Variants in PHTF2 observed in about 807,000 individuals in gnomAD.
PHTF2 encodes putative homeodomain transcription factor 2, also known as protein PHTF2.
In PHTF2, 60 loss-of-function variants were observed where a neutral mutation model predicts 101.2. That is an observed-to-expected ratio of 0.59 (90% CI 0.48 to 0.73). PHTF2 has a LOEUF of 0.73. Ranked by LOEUF, PHTF2 falls within the 30% of genes least tolerant of loss-of-function variation. The pLI is 0.00. For missense variants in PHTF2, 747 were observed against 908.7 expected (o/e 0.82, Z 2.29); for synonymous variants, 311 against 307.3 (o/e 1.01, Z -0.13).
At chr7:77,947,113 C>A (rs1806114226) in intron 16 of PHTF2, among the ~76,000 whole-genome samples, 1 of 144,226 alleles carries the variant, frequency 6.9e-6, no homozygotes, top group Non-Finnish European at 1.5e-5. Context: ...CAGAGTGAGA[C>A]CCTGTCTTTA....
intron 1 of PHTF2, among the ~76,000 whole-genome samples, chr7:77,820,380 G>T (rs1794186649): frequency 6.6e-6 from 1 of 151,952 alleles, no homozygotes; most frequent in Non-Finnish European, 1.5e-5. Flanking sequence ...TTTAGACAGG[G>T]TCTCACTGTC....
At chr7:77,875,568 ATTT>A (rs1562901364) in intron 3 of PHTF2, among the ~76,000 whole-genome samples, 30 of 150,644 alleles carry the variant, frequency 2.0e-4, no homozygotes, top group African/African-American at 3.9e-4. Context: ...TATTATTATT[ATTT>A]TTTTGACATG....
intron 13 of PHTF2, among the ~76,000 whole-genome samples, chr7:77,939,173 A>G (rs1037312944): frequency 1.3e-5 from 2 of 152,158 alleles, no homozygotes; most frequent in Non-Finnish European, 1.5e-5. Flanking sequence ...ATATTGTCCC[A>G]TTATCTAATT....
At chr7:77,898,931 G>T (rs1394300196) in intron 5 of PHTF2, among the ~76,000 whole-genome samples, 1 of 152,050 alleles carries the variant, frequency 6.6e-6, no homozygotes, top group Non-Finnish European at 1.5e-5. Context: ...TCCCCAAGTT[G>T]CTGGGATTAC....
rs191102572 is a variant in PHTF2, at chr7:77,908,591, G to A, written c.446-202G>A. Among the ~76,000 whole-genome samples, 46 of 152,198 alleles carry A rather than the reference G, an allele frequency of 3.0e-4. 1 individual carries two copies. The highest frequency in any genetic ancestry group is 2.2e-3 in the Admixed American group (34 of 15,286). ...ACTATGTTGGGTGTTGTCTTGTTCC[G>A]AGAGTTTATTACTAAATACCATGGT... On this transcript the variant is annotated intron_variant, in intron 7 of 19. Transcript: ENST00000416283.
At chr7:77,865,756 AC>A (rs1397908363) in intron 3 of PHTF2, among the ~76,000 whole-genome samples, 14 of 152,056 alleles carry the variant, frequency 9.2e-5, no homozygotes, top group African/African-American at 2.7e-4. Flanking sequence ...TTTATATTAA[AC>A]TTCTAATTTA....
At position 77,856,538 on chromosome 7, in the gene PHTF2, T is replaced by C. The variant is rs1449618085; in HGVS notation, c.147+1704T>C. Among the ~76,000 whole-genome samples, 3 of 152,194 alleles carry C rather than the reference T, an allele frequency of 2.0e-5. No individual in the cohort carries two copies. The East Asian group carries it at 5.8e-4, about 29-fold the overall frequency. ...ACCCAGATCATTTTTTAATTTTTTG[T>C]AAAGATGGGGTCTTGCTATATTCCC... On this transcript the variant is annotated intron_variant, in intron 3 of 19. Transcript: ENST00000416283.
At chr7:77,879,108 T>TG (rs1799187969) in intron 3 of PHTF2, among the ~76,000 whole-genome samples, 4 of 152,248 alleles carry the variant, frequency 2.6e-5, no homozygotes, top group Admixed American at 1.3e-4. Context: ...CCTATTCCTG[T>TG]ACATTTTATC....
intron 16 of PHTF2, among the ~76,000 whole-genome samples, chr7:77,949,092 A>AT (rs978134492): frequency 6.6e-6 from 1 of 150,640 alleles, no homozygotes; most frequent in East Asian, 1.9e-4. Context: ...ATTGTGGCTG[A>AT]TTTTTTTACT....
intron 8 of PHTF2, chr7:77,909,662 C>G (rs1419734762): frequency 6.5e-6 from 1 of 152,748 alleles, no homozygotes; most frequent in Non-Finnish European, 1.5e-5. Context: ...GCCACCACAC[C>G]TGGCCACTAA....
exon 10 of PHTF2, chr7:77,920,443 C>T: frequency 6.2e-7 from 1 of 1,613,078 alleles, no homozygotes; most frequent in Middle Eastern, 1.6e-4. Context: ...AACACAGGAA[C>T]ACTGAGGAAT....
At chr7:77,940,123 C>G (rs1426549864) in exon 14 of PHTF2, 1 of 1,613,728 alleles carries the variant, frequency 6.2e-7, no homozygotes, top group African/African-American at 1.3e-5. Context: ...CCGACTTTCT[C>G]AAGCTACAGA....
intron 11 of PHTF2, chr7:77,924,243 G>T: frequency 1.9e-6 from 1 of 519,418 alleles, no homozygotes; most frequent in Non-Finnish European, 2.5e-6. Context: ...ATAAATTACT[G>T]TACTCTCTCC....
chr7:77,873,566 CTGCCTCAGGGGAGGCCATCACTGT>C (rs1798698800), intron 3 of PHTF2, among the ~76,000 whole-genome samples: 2 of 152,220 alleles, frequency 1.3e-5, no homozygotes, highest in Middle Eastern at 3.4e-3. Flanking sequence ...TGCCTCACAG[CTGCCTCAGGGGAGGCCATCACTGT>C]TGCCTCAGGC....
intron 9 of PHTF2, among the ~76,000 whole-genome samples, chr7:77,915,299 A>T (rs910748875): frequency 6.7e-6 from 1 of 149,994 alleles, no homozygotes; most frequent in African/African-American, 2.5e-5. Flanking sequence ...GCTCACTGCA[A>T]CCTCCGCCTC....
At chr7:77,799,655 G>T (rs575534450) in intron 1 of PHTF2, among the ~76,000 whole-genome samples, 1 of 152,280 alleles carries the variant, frequency 6.6e-6, no homozygotes, top group Non-Finnish European at 1.5e-5. Context: ...CCAGCATTCT[G>T]GTATTGTCCT....
chr7:77,910,479 G>T, intron 9 of PHTF2, 70 bp downstream of exon 8: 1 of 1,057,842 alleles, frequency 9.5e-7, no homozygotes, highest in Non-Finnish European at 1.4e-6. Context: ...TTCAGTCTCA[G>T]GTAATGAATA....
In PHTF2 at chr7:77,935,514, C is replaced by G. The variant is rs771635445; in HGVS notation, c.1339-2196C>G. Among the ~76,000 whole-genome samples the G allele has an allele frequency of 1.1e-4, 16 of 152,124 alleles. 1 individual carries two copies. The highest frequency in any genetic ancestry group is 1.3e-4 in the Admixed American group (2 of 15,278). On this transcript the variant is annotated intron_variant, in intron 12 of 19. Transcript: ENST00000416283. ...TGCTGGGATTACAGGCGTGAGCCAC[C>G]GCGCCCGGCGTAATTAACTCTTTTA...
chr7:77,857,498 T>TAAAACATGTAAAAC (rs1206576894), intron 3 of PHTF2, among the ~76,000 whole-genome samples: 1 of 152,078 alleles, frequency 6.6e-6, no homozygotes, highest in African/African-American at 2.4e-5. Flanking sequence ...ATGGAAGGAG[T>TAAAACATGTAAAAC]ATGTATATAC....
Sources: gnomAD v4.1 joint callset for allele counts (sites outside exome capture counted in the v4.1 genomes callset) on GRCh38, gnomAD v4.1.1 for gene constraint, MANE v1.5 for transcripts, NCBI Gene and HGNC (gene_info 2026-07-23, HGNC 2026-07-21) for gene names.